The following TUSC3 variants were observed in gnomAD, a reference collection of about 807,000 sequenced individuals.
The protein encoded by TUSC3 is dolichyl-diphosphooligosaccharide--protein glycosyltransferase subunit TUSC3.
A neutral mutation model predicts 44.8 loss-of-function variants in TUSC3; 45 were observed. The observed-to-expected ratio is 1.00, with a 90% CI of 0.79 to 1.29. The LOEUF (loss-of-function observed/expected upper bound fraction) is 1.29. Among genes scored for constraint, TUSC3 ranks in the 50% most tolerant of loss-of-function variants. The pLI is 0.00. For missense variants in TUSC3, 519 were observed against 437.9 expected (o/e 1.19, Z -1.65); for synonymous variants, 212 against 152.9 (o/e 1.39, Z -2.85).
intron 5 of TUSC3, among the ~76,000 whole-genome samples, chr8:15,667,604 C>T (rs930600127): frequency 2.6e-5 from 4 of 151,630 alleles, no homozygotes; most frequent in Non-Finnish European, 5.9e-5. Context: ...TTAAAATTTT[C>T]ACTTTCACTA....
intron 2 of TUSC3, among the ~76,000 whole-genome samples, chr8:15,623,645 T>C (rs1215039785): frequency 6.6e-6 from 1 of 152,046 alleles, no homozygotes; most frequent in Non-Finnish European, 1.5e-5. Flanking sequence ...CGCCAATGAT[T>C]AGAAATTTCT....
upstream of TUSC3, among the ~76,000 whole-genome samples, chr8:15,537,006 T>C (rs1191851350): frequency 6.6e-6 from 1 of 152,176 alleles, no homozygotes; most frequent in Non-Finnish European, 1.5e-5. Context: ...AAGTCTCTTG[T>C]GGGAAAAATC....
At chr8:15,442,777 C>T (rs1424839804) in intron 1 of TUSC3, among the ~76,000 whole-genome samples, 1 of 152,140 alleles carries the variant, frequency 6.6e-6, no homozygotes, top group Non-Finnish European at 1.5e-5. Context: ...TCCTCCTTGA[C>T]CAAACTTTAG....
At chr8:15,491,796 A>T (rs939665364) in intron 2 of TUSC3, among the ~76,000 whole-genome samples, 2 of 152,226 alleles carry the variant, frequency 1.3e-5, no homozygotes, top group Non-Finnish European at 2.9e-5. Context: ...TGAATTCCTC[A>T]ACAAGTTCTA....
chr8:15,823,041 G>A, the TUSC3 span, among the ~76,000 whole-genome samples: 1 of 152,076 alleles, frequency 6.6e-6, no homozygotes, highest in Non-Finnish European at 1.5e-5. Flanking sequence ...TCTAAAGGAA[G>A]AGGACAAGCA....
chr8:15,426,997 T>A (rs1199385843), intron 1 of TUSC3, among the ~76,000 whole-genome samples: 3 of 152,154 alleles, frequency 2.0e-5, no homozygotes, highest in Non-Finnish European at 4.4e-5. Flanking sequence ...TATACCTGGT[T>A]GGCATTTGTA....
chr8:15,780,549 G>T, the TUSC3 span, among the ~76,000 whole-genome samples: 73 of 152,302 alleles, frequency 4.8e-4, no homozygotes, highest in East Asian at 0.014. Context: ...AGTTGTTCTG[G>T]AAGGCACTTG....
At chr8:15,761,160 A>T (rs1812154176) in intron 10 of TUSC3, among the ~76,000 whole-genome samples, 2 of 152,180 alleles carry the variant, frequency 1.3e-5, no homozygotes, top group Admixed American at 6.5e-5. Flanking sequence ...TTCTCTAGAA[A>T]AATCTTTTGA....
At chr8:15,836,853 C>T in the TUSC3 span, among the ~76,000 whole-genome samples, 73 of 152,166 alleles carry the variant, frequency 4.8e-4, no homozygotes, top group African/African-American at 1.7e-3. Flanking sequence ...TTCTACTTTT[C>T]CTCTCCCTTC....
intron 2 of TUSC3, among the ~76,000 whole-genome samples, chr8:15,523,690 G>GTATATA (rs1327611283): frequency 8.6e-4 from 44 of 50,942 alleles, no homozygotes; most frequent in Middle Eastern, 0.012. Flanking sequence ...GTGTGTGTGT[G>GTATATA]TGTGTGTGTG....
intron 2 of TUSC3, among the ~76,000 whole-genome samples, chr8:15,635,013 A>G (rs1241006882): frequency 6.6e-6 from 1 of 152,070 alleles, no homozygotes; most frequent in Admixed American, 6.5e-5. Flanking sequence ...GTAAAACAAG[A>G]GAACTCAGTG....
chr8:15,778,320 A>G, the TUSC3 span, among the ~76,000 whole-genome samples: 1 of 152,298 alleles, frequency 6.6e-6, no homozygotes, highest in African/African-American at 2.4e-5. Context: ...CATTTTCCCA[A>G]TTACAGTTTA....
chr8:15,791,304 C>G, the TUSC3 span, among the ~76,000 whole-genome samples: 1 of 151,698 alleles, frequency 6.6e-6, no homozygotes, highest in Admixed American at 6.6e-5. Flanking sequence ...CACACACACA[C>G]AGGCATCTTG....
rs922275745 is a variant in TUSC3, at chr8:15,765,431, A to C, written c.*1275A>C. The C allele has an allele frequency of 6.6e-6, 1 of 151,974 alleles. No individual in the cohort carries two copies. The highest frequency in any genetic ancestry group is 1.5e-5 in the Non-Finnish European group (1 of 67,924). The allele number at this position is 151,974 out of a possible 1,614,324, so 9.4% of individuals were successfully genotyped here. ...TAACAGACCATGGAGAATTGTTTTC[A>C]TTGGGAGTTCCAGCTATATAGCCTC... On this transcript the variant is annotated 3_prime_UTR_variant, in exon 11 of 11. Coordinates refer to ENST00000503731, the MANE Select transcript of TUSC3 (RefSeq NM_006765.4).
chr8:15,648,084 C>T (rs909377946), intron 2 of TUSC3, among the ~76,000 whole-genome samples: 2 of 152,086 alleles, frequency 1.3e-5, no homozygotes, highest in African/African-American at 4.8e-5. Context: ...CTCTGTTTCA[C>T]CTCTCCTCTA....
chr8:15,643,342 T>C lies in TUSC3; in HGVS notation c.309-7355T>C, dbSNP rs62502086. On this transcript the variant is annotated intron_variant, in intron 2 of 10. Transcript: ENST00000503731. ...TAAACGAACAATGCGTTAAATGATT[T>C]CCTTACTACATTGTGTGACATTCTT... Among the ~76,000 whole-genome samples the C allele has an allele frequency of 7.1e-3, 1,083 of 152,176 alleles. 7 individuals carry two copies. Among genetic ancestry groups the C allele is most frequent in the Non-Finnish European group, 0.011 (750 of 67,996 alleles).
chr8:15,637,515 T>G (rs889678000), intron 2 of TUSC3, among the ~76,000 whole-genome samples: 5 of 152,174 alleles, frequency 3.3e-5, no homozygotes, highest in African/African-American at 1.2e-4. Context: ...TTACTTTAGG[T>G]TGGAGTATTT....
intron 1 of TUSC3, among the ~76,000 whole-genome samples, chr8:15,460,455 T>C (rs1462051492): frequency 6.6e-6 from 1 of 152,172 alleles, no homozygotes; most frequent in Non-Finnish European, 1.5e-5. Flanking sequence ...TATGTATAGA[T>C]TGTGAAGATT....
the TUSC3 span, among the ~76,000 whole-genome samples, chr8:15,833,495 T>C: frequency 1.3e-5 from 2 of 152,124 alleles, no homozygotes; most frequent in Non-Finnish European, 2.9e-5. Flanking sequence ...GAAGAAAATG[T>C]GGTAGTCCAC....
Sources: gnomAD v4.1 joint callset for allele counts (sites outside exome capture counted in the v4.1 genomes callset) on GRCh38, gnomAD v4.1.1 for gene constraint, MANE v1.5 for transcripts, NCBI Gene and HGNC (gene_info 2026-07-23, HGNC 2026-07-21) for gene names.